The following CFAP61 variants were observed in gnomAD, a reference collection of about 807,000 sequenced individuals.
CFAP61 encodes the protein cilia and flagella associated protein 61.
CFAP61 carries 107 observed loss-of-function variants against 135.6 expected under a neutral mutation model. The ratio of observed to expected loss-of-function variants is 0.79; its 90% CI spans 0.67 to 0.93. The LOEUF (loss-of-function observed/expected upper bound fraction) is 0.93, where lower values mean the gene tolerates loss of function less well. Ranked by LOEUF, CFAP61 falls within the 40% of genes least tolerant of loss-of-function variation. The pLI, the probability that CFAP61 is intolerant of heterozygous loss-of-function variation, is 0.00. For missense variants in CFAP61, 1,507 were observed against 1,556.2 expected, an observed-to-expected ratio of 0.97 and a Z score of 0.53; for synonymous variants, 575 against 578.5, an observed-to-expected ratio of 0.99 and a Z score of 0.09.
rs191265438 is a variant in CFAP61, at chr20:20,270,191, T to C, written c.2504-6975T>C. On this transcript the variant is annotated intron_variant, in intron 21 of 26. Coordinates refer to ENST00000245957, the MANE Select transcript of CFAP61 (RefSeq NM_015585.4). ...TATGAAGAAAACTTCATGTTAATAT[T>C]GTGTGCATAAATCCTGAATTTATTT... Among the ~76,000 whole-genome samples the C allele has an allele frequency of 1.9e-3, 285 of 152,322 alleles. 2 individuals carry two copies. Among genetic ancestry groups the C allele is most frequent in the African/African-American group, 6.6e-3 (276 of 41,552 alleles).
chr20:20,080,756 C>T (rs2046375147), intron 6 of CFAP61, among the ~76,000 whole-genome samples: 1 of 152,274 alleles, frequency 6.6e-6, no homozygotes, highest in South Asian at 2.1e-4. Flanking sequence ...GTAATCCCAG[C>T]ACTTTGGGAG....
intron 17 of CFAP61, among the ~76,000 whole-genome samples, chr20:20,202,524 A>G (rs893612898): frequency 3.9e-5 from 6 of 152,234 alleles, no homozygotes; most frequent in African/African-American, 9.6e-5. Context: ...GCTAAATTAT[A>G]TTATTAAAAT....
At chr20:20,215,106 G>A (rs1299538994) in intron 17 of CFAP61, 1 of 152,194 alleles carries the variant, frequency 6.6e-6, no homozygotes, top group Non-Finnish European at 1.5e-5. Context: ...CATTTTGCAT[G>A]TTGAGATTGT....
At chr20:20,262,366 C>A (rs892043734) in intron 20 of CFAP61, among the ~76,000 whole-genome samples, 1 of 152,176 alleles carries the variant, frequency 6.6e-6, no homozygotes, top group African/African-American at 2.4e-5. Context: ...CCAGCCACCA[C>A]GTTATGAGGA....
At chr20:20,150,653 T>G (rs1314378477) in intron 9 of CFAP61, among the ~76,000 whole-genome samples, 1 of 152,142 alleles carries the variant, frequency 6.6e-6, no homozygotes, top group Non-Finnish European at 1.5e-5. Context: ...AGAGCCTACT[T>G]CACTCCCCTG....
At chr20:20,121,103 C>CTTT (rs869290856) in intron 8 of CFAP61, among the ~76,000 whole-genome samples, 100 of 113,574 alleles carry the variant, frequency 8.8e-4, no homozygotes, top group East Asian at 2.1e-3. Context: ...TTTATTTTTA[C>CTTT]TTTTTTTTTT....
intron 2 of CFAP61, among the ~76,000 whole-genome samples, chr20:20,063,885 C>T (rs2045017153): frequency 6.6e-6 from 1 of 152,132 alleles, no homozygotes; most frequent in African/African-American, 2.4e-5. Context: ...TTTTTATATA[C>T]TAACAATGAA....
intron 15 of CFAP61, among the ~76,000 whole-genome samples, chr20:20,196,243 T>C (rs1003816334): frequency 1.9e-4 from 29 of 152,296 alleles, no homozygotes; most frequent in African/African-American, 6.7e-4. Flanking sequence ...TCACATCGCC[T>C]GGCAGTGTCA....
chr20:20,340,062 G>A (rs1179534386), intron 25 of CFAP61, among the ~76,000 whole-genome samples: 1 of 152,194 alleles, frequency 6.6e-6, no homozygotes, highest in East Asian at 1.9e-4. Context: ...CCGGGTCTGA[G>A]CCCTGCCCTC....
At chr20:20,314,521 A>G (rs1357713189) in intron 25 of CFAP61, among the ~76,000 whole-genome samples, 1 of 144,874 alleles carries the variant, frequency 6.9e-6, no homozygotes, top group Non-Finnish European at 1.5e-5. Context: ...GTTTTTTTTT[A>G]TTATTATTAT....
chr20:20,246,312 G>C (rs1389335013), intron 19 of CFAP61, 97 bp downstream of exon 19: 1 of 832,852 alleles, frequency 1.2e-6, no homozygotes, highest in Non-Finnish European at 2.0e-6. Context: ...ATTGGAAAAG[G>C]AGAAGTGGTG....
Position 20,277,265 on chromosome 20 carries a change from C to A in CFAP61, c.2603C>A (p.Pro868His). 1 of 1,614,064 alleles carries A rather than the reference C, an allele frequency of 6.2e-7. No homozygotes were observed. Among genetic ancestry groups the A allele is most frequent in the Non-Finnish European group, 8.5e-7 (1 of 1,180,032 alleles). ...VSGSRIHLVQ[P>H]PPASTITCIN... ...GGCAGCCGCATCCACCTCGTGCAGC[C>A]CCCGCCCGCCTCCACCATCACCTGC... Residue 868 changes from proline (P) to histidine (H), a missense_variant, in exon 22 of 27, where the codon CCC becomes CAC. Transcript: ENST00000245957.
chr20:20,292,745 TCA>T (rs893216594), intron 24 of CFAP61, among the ~76,000 whole-genome samples: 1 of 152,214 alleles, frequency 6.6e-6, no homozygotes, highest in African/African-American at 2.4e-5. Flanking sequence ...TATGGTGGCC[TCA>T]GAGTAGCCAG....
At chr20:20,145,698 C>T in intron 9 of CFAP61, among the ~76,000 whole-genome samples, 1 of 152,062 alleles carries the variant, frequency 6.6e-6, no homozygotes, top group East Asian at 1.9e-4. Flanking sequence ...ATACACCATG[C>T]CAACACTAAT....
intron 1 of CFAP61, 138 bp downstream of exon 1, chr20:20,052,729 G>C: frequency 6.3e-7 from 1 of 1,599,388 alleles, no homozygotes; most frequent in East Asian, 2.3e-5. Flanking sequence ...CGCCCTGCAA[G>C]GGAGTAAGAA....
intron 13 of CFAP61, among the ~76,000 whole-genome samples, chr20:20,176,794 G>A (rs1601191352): frequency 2.6e-5 from 4 of 152,194 alleles, no homozygotes; most frequent in Admixed American, 2.0e-4. Flanking sequence ...GTGATGGGTT[G>A]ACAGGTGCAA....
At chr20:20,068,341 G>C (rs2045457378) in intron 2 of CFAP61, among the ~76,000 whole-genome samples, 1 of 152,218 alleles carries the variant, frequency 6.6e-6, no homozygotes, top group South Asian at 2.1e-4. Context: ...GGGCAGAGGA[G>C]CCCAGAAGAC....
At chr20:20,267,769 A>T (rs2052906120) in intron 21 of CFAP61, 1 of 152,212 alleles carries the variant, frequency 6.6e-6, no homozygotes, top group Non-Finnish European at 1.5e-5. Context: ...AATGGGGTGG[A>T]GGAGGGGGAA....
Position 20,293,970 on chromosome 20 carries a change from A to G in CFAP61, c.3216+3579A>G, listed in dbSNP as rs148267131. Among the ~76,000 whole-genome samples, 1,470 of 152,320 alleles carry G rather than the reference A, an allele frequency of 9.7e-3. 18 individuals carry two copies. Among genetic ancestry groups the G allele is most frequent in the African/African-American group, 0.034 (1,408 of 41,560 alleles). On this transcript the variant is annotated intron_variant, in intron 24 of 26. Transcript: ENST00000245957. Reference sequence around the variant, plus strand: ...CCAGAACCATTTTCCAACCTTTGTCAAAATCATAAAGGACCTCAAAAGGAT... The same window carrying G: ...CCAGAACCATTTTCCAACCTTTGTCGAAATCATAAAGGACCTCAAAAGGAT...
Sources: allele counts gnomAD v4.1 joint callset (sites outside exome capture counted in the v4.1 genomes callset), GRCh38; gene constraint gnomAD v4.1.1; transcripts MANE v1.5; gene names NCBI Gene and HGNC (gene_info 2026-07-23, HGNC 2026-07-21).